The following PTPRO variants were observed in gnomAD, a reference collection of about 807,000 sequenced individuals.
PTPRO encodes protein tyrosine phosphatase receptor type O, also known as receptor-type tyrosine-protein phosphatase O.
PTPRO carries 62 observed loss-of-function variants against 145.2 expected under a neutral mutation model. The observed-to-expected ratio is 0.43, with a 90% CI of 0.35 to 0.53. PTPRO has a LOEUF of 0.53. Ranked by LOEUF, PTPRO falls within the 20% of genes least tolerant of loss-of-function variation. The pLI is 0.01. For missense variants in PTPRO, 1,345 were observed against 1,482.7 expected (o/e 0.91, Z 1.53); for synonymous variants, 565 against 514.7 (o/e 1.10, Z -1.32).
intron 1 of PTPRO, among the ~76,000 whole-genome samples, chr12:15,392,916 T>C (rs1480247297): frequency 6.6e-6 from 1 of 152,004 alleles, no homozygotes; most frequent in East Asian, 1.9e-4. Context: ...TCTTGTGAGG[T>C]AGATGCTCCC....
At chr12:15,338,432 C>A (rs548655773) in intron 1 of PTPRO, among the ~76,000 whole-genome samples, 8 of 152,224 alleles carry the variant, frequency 5.3e-5, no homozygotes, top group Admixed American at 5.2e-4. Flanking sequence ...TAGGAACATA[C>A]ACAAAATACA....
At chr12:15,551,767 T>C (rs887824143) in intron 15 of PTPRO, 96 bp downstream of exon 15, 1 of 1,359,366 alleles carries the variant, frequency 7.4e-7, no homozygotes, top group East Asian at 2.4e-5. Flanking sequence ...TGTATAGCGG[T>C]ATATTGGATT....
chr12:15,435,630 A>T (rs1039810385), intron 1 of PTPRO, among the ~76,000 whole-genome samples: 1 of 150,498 alleles, frequency 6.6e-6, no homozygotes, highest in Non-Finnish European at 1.5e-5. Flanking sequence ...TCTTTTCCTC[A>T]TATTTCTCAA....
At chr12:15,561,021 A>G (rs1273636233) in intron 17 of PTPRO, among the ~76,000 whole-genome samples, 3 of 152,150 alleles carry the variant, frequency 2.0e-5, no homozygotes, top group African/African-American at 7.2e-5. Context: ...ATGTAATGAT[A>G]ACAGTAACCT....
chr12:15,548,982 A>T (rs1943378406), intron 13 of PTPRO, 112 bp from the exon 14 acceptor site: 3 of 1,194,542 alleles, frequency 2.5e-6, no homozygotes, highest in Non-Finnish European at 2.5e-6. Context: ...ATTCTTTGTC[A>T]TCTTATACAT....
chr12:15,325,374 T>G (rs549751384), intron 1 of PTPRO, among the ~76,000 whole-genome samples: 7 of 152,352 alleles, frequency 4.6e-5, no homozygotes, highest in African/African-American at 1.7e-4. Context: ...AGAAGGTCTT[T>G]GTGCCATCGT....
chr12:15,572,473 C>G (rs992924049), intron 19 of PTPRO, among the ~76,000 whole-genome samples: 2 of 152,170 alleles, frequency 1.3e-5, no homozygotes, highest in African/African-American at 4.8e-5. Context: ...TAAGCTACAT[C>G]ATCTTCATAT....
chr12:15,373,386 T>A (rs1938588174), intron 1 of PTPRO, among the ~76,000 whole-genome samples: 1 of 152,034 alleles, frequency 6.6e-6, no homozygotes, highest in Admixed American at 6.6e-5. Flanking sequence ...TTTTATGGAG[T>A]TTCATACTGA....
chr12:15,571,710 G>A (rs896119315), intron 19 of PTPRO, among the ~76,000 whole-genome samples: 1 of 152,004 alleles, frequency 6.6e-6, no homozygotes, highest in Non-Finnish European at 1.5e-5. Flanking sequence ...AATTAACAGG[G>A]GAGGATTTTG....
At chr12:15,446,608 C>T (rs192478080) in intron 1 of PTPRO, among the ~76,000 whole-genome samples, 2 of 151,774 alleles carry the variant, frequency 1.3e-5, no homozygotes, top group East Asian at 3.9e-4. Flanking sequence ...AATAAAATTC[C>T]ATAGGGAATG....
intron 17 of PTPRO, among the ~76,000 whole-genome samples, chr12:15,562,713 C>G (rs1308641133): frequency 1.3e-5 from 2 of 150,464 alleles, no homozygotes; most frequent in Non-Finnish European, 3.0e-5. Context: ...CTAAGTTGAA[C>G]TAGCTATATC....
At chr12:15,335,887 G>A (rs545035805) in intron 1 of PTPRO, among the ~76,000 whole-genome samples, 12 of 152,194 alleles carry the variant, frequency 7.9e-5, no homozygotes, top group Middle Eastern at 3.4e-3. Flanking sequence ...TTTTCTGAAG[G>A]ATAGTTGAGA....
rs1218272855 is a variant in PTPRO, at chr12:15,429,308, T to C, written c.76-54666T>C. ...GGATTCAAAACATAAGGAAACATAT[T>C]TGAATATTAATAAAAGCTAAGAGAC... On this transcript the variant is annotated intron_variant, in intron 1 of 26. Coordinates refer to ENST00000281171, the MANE Select transcript of PTPRO (RefSeq NM_030667.3). Among the ~76,000 whole-genome samples the C allele has an allele frequency of 2.0e-5, 3 of 152,010 alleles. No individual in the cohort carries two copies. In the East Asian group the frequency reaches 5.8e-4, roughly 29 times the overall value.
chr12:15,468,933 A>C (rs1941477522), intron 1 of PTPRO, among the ~76,000 whole-genome samples: 1 of 152,226 alleles, frequency 6.6e-6, no homozygotes. Flanking sequence ...TTTGCTTTAA[A>C]GTTCTGACAA....
chr12:15,441,874 A>G (rs1940776030), intron 1 of PTPRO, among the ~76,000 whole-genome samples: 1 of 152,072 alleles, frequency 6.6e-6, no homozygotes, highest in South Asian at 2.1e-4. Context: ...AAAACTACCA[A>G]CCAATAAAAG....
intron 1 of PTPRO, among the ~76,000 whole-genome samples, chr12:15,437,193 G>C (rs1393337526): frequency 6.6e-6 from 1 of 151,914 alleles, no homozygotes; most frequent in Non-Finnish European, 1.5e-5. Context: ...TCAGCAGCCT[G>C]AGCCACCTAC....
intron 1 of PTPRO, among the ~76,000 whole-genome samples, chr12:15,411,900 G>A (rs1939811411): frequency 6.6e-6 from 1 of 152,166 alleles, no homozygotes; most frequent in African/African-American, 2.4e-5. Flanking sequence ...CCAGCAGCAT[G>A]CATCAGACAG....
rs978198925 is a variant in PTPRO, at chr12:15,336,039, C to T, written c.75+13238C>T. On this transcript the variant is annotated intron_variant, in intron 1 of 26. Transcript: ENST00000281171. Reference sequence around the variant, plus strand: ...TAAGCCTGAATCAGGTGTGCATCATCATGCACGAGAATTCTGTAATAACAT... The same window carrying T: ...TAAGCCTGAATCAGGTGTGCATCATTATGCACGAGAATTCTGTAATAACAT... 7.2e-5 allele frequency among the ~76,000 whole-genome samples: 11 copies of T among 152,238 alleles called. No individual in the cohort carries two copies. In the South Asian group the frequency reaches 2.3e-3, roughly 32 times the overall value.
rs979603390 is a variant in PTPRO at position 15,583,497 on chromosome 12, AC to A, written c.3255+1697del. ...TCTATCTCCACACACACACACACAC[AC>A]AAAAAAAATCAACAAGAAAAATAGT... is the stretch of plus-strand genomic sequence containing the variant. On this transcript the variant is annotated intron_variant, in intron 23 of 26. Transcript: ENST00000281171. Among the ~76,000 whole-genome samples the A allele has an allele frequency of 1.1e-3, 161 of 142,178 alleles. 1 individual carries two copies. The highest frequency in any genetic ancestry group is 3.6e-3 in the African/African-American group (146 of 40,362). The allele number at this position is 142,178 out of a possible 152,430, so 93.3% of individuals were successfully genotyped here.
Sources: allele counts gnomAD v4.1 joint callset (sites outside exome capture counted in the v4.1 genomes callset), GRCh38; gene constraint gnomAD v4.1.1; transcripts MANE v1.5; gene names NCBI Gene and HGNC (gene_info 2026-07-23, HGNC 2026-07-21).